Variants in NCK2 observed in about 807,000 individuals in gnomAD.
NCK2 encodes cytoplasmic protein NCK2.
In NCK2, 16 loss-of-function variants were observed where a neutral mutation model predicts 33.9. The ratio of observed to expected loss-of-function variants is 0.47; its 90% CI spans 0.32 to 0.72. The LOEUF (loss-of-function observed/expected upper bound fraction) is 0.72. Among genes scored for constraint, NCK2 ranks in the 30% least tolerant of loss-of-function variants. The pLI is 0.03. For missense variants in NCK2, 418 were observed against 537.3 expected (o/e 0.78, Z 2.19); for synonymous variants, 273 against 239.9 (o/e 1.14, Z -1.27).
At chr2:105,808,183 C>G (rs1675158087) in intron 1 of NCK2, among the ~76,000 whole-genome samples, 1 of 152,210 alleles carries the variant, frequency 6.6e-6, no homozygotes, top group Non-Finnish European at 1.5e-5. Context: ...CAGGCGTGAG[C>G]CACTGTGCCT....
At chr2:105,811,067 C>T (rs540598868) in intron 1 of NCK2, among the ~76,000 whole-genome samples, 3 of 150,234 alleles carry the variant, frequency 2.0e-5, no homozygotes, top group African/African-American at 4.9e-5. Flanking sequence ...CCCAGCTACT[C>T]GGGAGGCTGA....
At chr2:105,750,009 G>A (rs1439856627) in intron 1 of NCK2, among the ~76,000 whole-genome samples, 1 of 138,594 alleles carries the variant, frequency 7.2e-6, no homozygotes, top group African/African-American at 2.5e-5. Flanking sequence ...CTGGGTGACA[G>A]CGTGAGACCC....
intron 2 of NCK2, among the ~76,000 whole-genome samples, chr2:105,840,408 T>G (rs577513115): frequency 6.6e-6 from 1 of 152,212 alleles, no homozygotes; most frequent in Non-Finnish European, 1.5e-5. Flanking sequence ...ATGCAGTTTC[T>G]CCTACTCTAC....
chr2:105,841,567 G>A (rs182572682), intron 2 of NCK2, among the ~76,000 whole-genome samples: 1 of 152,132 alleles, frequency 6.6e-6, no homozygotes, highest in African/African-American at 2.4e-5. Context: ...AGGCATGACT[G>A]GTTAAACCCT....
At position 105,829,105 on chromosome 2, in the gene NCK2, T is replaced by C. The variant is rs1182079398; in HGVS notation, c.-17+12492T>C. On this transcript the variant is annotated intron_variant, in intron 2 of 4. Coordinates refer to ENST00000233154, the MANE Select transcript of NCK2 (RefSeq NM_003581.5). ...TAGTGAAGTACTCTTACTGTCCCTT[T>C]CTGCTTGGCCTGTATGCTTTCTTTT... 2.0e-5 allele frequency among the ~76,000 whole-genome samples: 3 copies of C among 152,146 alleles called. No homozygotes were observed. In the East Asian group the frequency reaches 5.8e-4, roughly 29 times the overall value.
chr2:105,753,560 C>G (rs1017496606), intron 1 of NCK2, among the ~76,000 whole-genome samples: 4 of 152,192 alleles, frequency 2.6e-5, no homozygotes, highest in Non-Finnish European at 5.9e-5. Flanking sequence ...TGTGATGTGC[C>G]TCTTCATCAG....
intron 1 of NCK2, among the ~76,000 whole-genome samples, chr2:105,766,177 GA>G (rs1689940879): frequency 6.6e-6 from 1 of 152,138 alleles, no homozygotes; most frequent in Non-Finnish European, 1.5e-5. Flanking sequence ...TGGGGCCTAG[GA>G]AGCACATTCT....
At chr2:105,817,037 A>G (rs1184782404) in intron 2 of NCK2, among the ~76,000 whole-genome samples, 1 of 152,080 alleles carries the variant, frequency 6.6e-6, no homozygotes, top group Non-Finnish European at 1.5e-5. Context: ...ATAGCTGGGC[A>G]TGGTGGCGTG....
chr2:105,859,472 G>T lies in NCK2; in HGVS notation c.226+4183G>T, dbSNP rs555453565. On this transcript the variant is annotated intron_variant, in intron 3 of 4. Transcript: ENST00000233154. ...ATTCCTCCCAACAGGACCACACCTA[G>T]GCCTAGCGTGGTTAGAAACTTGCAT... 1.2e-3 allele frequency among the ~76,000 whole-genome samples: 182 copies of T among 152,256 alleles called. 1 individual carries two copies. The highest frequency in any genetic ancestry group is 4.2e-3 in the African/African-American group (176 of 41,550).
intron 1 of NCK2, among the ~76,000 whole-genome samples, chr2:105,779,172 TG>T (rs1303944962): frequency 6.6e-6 from 1 of 151,956 alleles, no homozygotes; most frequent in Non-Finnish European, 1.5e-5. Context: ...CTGGGCATGG[TG>T]GCACATGCCT....
intron 2 of NCK2, among the ~76,000 whole-genome samples, chr2:105,840,399 T>C (rs1000823216): frequency 1.3e-5 from 2 of 152,200 alleles, no homozygotes; most frequent in South Asian, 2.1e-4. Flanking sequence ...TGAAAAAATA[T>C]GCAGTTTCTC....
In NCK2 at chr2:105,844,054, A is replaced by G. The variant is rs73950511; in HGVS notation, c.-16-10994A>G. Among the ~76,000 whole-genome samples, 924 of 152,218 alleles carry G rather than the reference A, an allele frequency of 6.1e-3. 15 individuals carry two copies. The highest frequency in any genetic ancestry group is 0.02 in the African/African-American group (832 of 41,540). On this transcript the variant is annotated intron_variant, in intron 2 of 4. Coordinates refer to ENST00000233154, the MANE Select transcript of NCK2 (RefSeq NM_003581.5). ...GTTGCCTCTGTGGTCTTCCTCCCAA[A>G]AGCTAATACTGGAGCACTGATCAGG...
chr2:105,822,128 A>T (rs1305371804), intron 2 of NCK2, among the ~76,000 whole-genome samples: 1 of 151,518 alleles, frequency 6.6e-6, no homozygotes, highest in Non-Finnish European at 1.5e-5. Flanking sequence ...CGTGAGATTT[A>T]TTTTTTTCTC....
intron 2 of NCK2, among the ~76,000 whole-genome samples, chr2:105,839,511 G>C (rs11124062): frequency 6.6e-6 from 1 of 151,922 alleles, no homozygotes; most frequent in African/African-American, 2.4e-5. Context: ...TGGGGGCTGG[G>C]TCAGCCCACT....
intron 1 of NCK2, among the ~76,000 whole-genome samples, chr2:105,769,687 G>A (rs752158645): frequency 1.4e-4 from 21 of 152,184 alleles, no homozygotes; most frequent in Non-Finnish European, 2.6e-4. Flanking sequence ...AGGGGTCCAC[G>A]CAGCTTCCGC....
intron 3 of NCK2, among the ~76,000 whole-genome samples, chr2:105,878,296 C>T (rs532942491): frequency 2.6e-5 from 4 of 152,336 alleles, no homozygotes; most frequent in South Asian, 2.1e-4. Flanking sequence ...GAAATTCATA[C>T]GAAGTCCCAA....
chr2:105,823,652 C>T (rs544477556), intron 2 of NCK2, among the ~76,000 whole-genome samples: 37 of 152,028 alleles, frequency 2.4e-4, no homozygotes, highest in Middle Eastern at 6.8e-3. Flanking sequence ...TGGATGGAAA[C>T]GAATAACCCT....
Position 105,876,848 on chromosome 2 carries a change from G to A in NCK2, c.227-4480G>A, listed in dbSNP as rs539597038. ...GCCGCCTCTTTACCTACAAGGTAAT[G>A]AGTTTGCCTTCGAATTAGAGAGAGG... is the stretch of plus-strand genomic sequence containing the variant. On this transcript the variant is annotated intron_variant, in intron 3 of 4. Coordinates refer to ENST00000233154, the MANE Select transcript of NCK2 (RefSeq NM_003581.5). Among the ~76,000 whole-genome samples the A allele has an allele frequency of 2.6e-5, 4 of 152,322 alleles. No homozygotes were observed. The South Asian group carries it at 8.3e-4, about 32-fold the overall frequency.
Position 105,857,914 on chromosome 2 carries a change from C to T in NCK2, c.226+2625C>T, listed in dbSNP as rs1022880552. 5.3e-5 allele frequency among the ~76,000 whole-genome samples: 8 copies of T among 152,222 alleles called. No individual in the cohort carries two copies. The East Asian group carries it at 7.7e-4, about 15-fold the overall frequency. The stretch of plus-strand genomic sequence containing the variant: ...TCACCATCATGCAGTAACTTCTGTG[C>T]ACTTCTGTGCAAAGCTTATAGATGT... On this transcript the variant is annotated intron_variant, in intron 3 of 4. Transcript: ENST00000233154.
Sources: gnomAD v4.1 joint callset for allele counts (sites outside exome capture counted in the v4.1 genomes callset) on GRCh38, gnomAD v4.1.1 for gene constraint, MANE v1.5 for transcripts, NCBI Gene and HGNC (gene_info 2026-07-23, HGNC 2026-07-21) for gene names.